Variants in CCDC102B observed in about 807,000 individuals in gnomAD.
CCDC102B encodes coiled-coil domain containing 102B.
In CCDC102B, 75 loss-of-function variants were observed where a neutral mutation model predicts 57.4. The observed-to-expected ratio is 1.31, with a 90% CI of 1.08 to 1.58. CCDC102B has a LOEUF of 1.58. Among genes scored for constraint, CCDC102B ranks in the 40% most tolerant of loss-of-function variants. The pLI is 0.00. For missense variants in CCDC102B, 636 were observed against 582.6 expected, an observed-to-expected ratio of 1.09 and a Z score of -0.94; for synonymous variants, 206 against 201.9, an observed-to-expected ratio of 1.02 and a Z score of -0.17.
At chr18:68,888,829 C>T (rs185638672) in intron 5 of CCDC102B, among the ~76,000 whole-genome samples, 1 of 152,258 alleles carries the variant, frequency 6.6e-6, no homozygotes, top group East Asian at 1.9e-4. Context: ...ATAATACTCA[C>T]TTTGAAGTTA....
At chr18:68,923,423 A>G (rs1037381094) in intron 6 of CCDC102B, among the ~76,000 whole-genome samples, 4 of 151,972 alleles carry the variant, frequency 2.6e-5, no homozygotes, top group East Asian at 1.9e-4. Context: ...TAATTATTTT[A>G]CTGAAATCAA....
chr18:68,882,193 A>G, intron 5 of CCDC102B, among the ~76,000 whole-genome samples: 1 of 152,232 alleles, frequency 6.6e-6, no homozygotes, highest in East Asian at 1.9e-4. Flanking sequence ...ATAAATAAAC[A>G]AGACAATTAT....
chr18:68,803,978 C>T (rs2035944715), intron 1 of CCDC102B, among the ~76,000 whole-genome samples: 1 of 152,126 alleles, frequency 6.6e-6, no homozygotes, highest in East Asian at 1.9e-4. Flanking sequence ...TTCAAAGCAT[C>T]CACTCGGCTG....
intron 2 of CCDC102B, among the ~76,000 whole-genome samples, chr18:68,765,177 T>C (rs2034387033): frequency 6.7e-6 from 1 of 150,242 alleles, no homozygotes; most frequent in South Asian, 2.1e-4. Context: ...TAAGCTATAA[T>C]AGTGCCAACA....
chr18:68,934,115 C>G (rs1388930166), intron 6 of CCDC102B, among the ~76,000 whole-genome samples: 8 of 151,886 alleles, frequency 5.3e-5, no homozygotes, highest in Non-Finnish European at 7.4e-5. Context: ...TGAGGCAACT[C>G]TCTAGGCTCT....
intron 6 of CCDC102B, among the ~76,000 whole-genome samples, chr18:68,940,961 A>G (rs1021097427): frequency 6.6e-6 from 1 of 151,940 alleles, no homozygotes; most frequent in Admixed American, 6.6e-5. Context: ...TGATTGATCT[A>G]AGTCAGATGA....
At chr18:69,023,606 A>G (rs1464663560) in intron 7 of CCDC102B, among the ~76,000 whole-genome samples, 2 of 151,964 alleles carry the variant, frequency 1.3e-5, no homozygotes, top group Non-Finnish European at 2.9e-5. Context: ...CCTTACCACA[A>G]TCTTGAAATT....
intron 6 of CCDC102B, among the ~76,000 whole-genome samples, chr18:68,991,975 A>G (rs373318934): frequency 4.5e-4 from 68 of 152,332 alleles, no homozygotes; most frequent in African/African-American, 1.5e-3. Flanking sequence ...GATGTAAAAA[A>G]TATGATCTGG....
At chr18:68,861,425 T>G (rs2038751618) in intron 4 of CCDC102B, among the ~76,000 whole-genome samples, 1 of 152,202 alleles carries the variant, frequency 6.6e-6, no homozygotes, top group Non-Finnish European at 1.5e-5. Flanking sequence ...TTTTTATAAT[T>G]ATTCTTAACC....
At chr18:68,788,895 T>A (rs1265803278) in intron 2 of CCDC102B, among the ~76,000 whole-genome samples, 1 of 152,314 alleles carries the variant, frequency 6.6e-6, no homozygotes, top group South Asian at 2.1e-4. Context: ...GTTATTTTGC[T>A]CGTTAGTTGA....
Position 68,735,484 on chromosome 18 carries a change from TA to T in CCDC102B, c.-67+18891del, listed in dbSNP as rs201412776. Among the ~76,000 whole-genome samples the T allele has an allele frequency of 8.5e-3, 1,300 of 152,366 alleles. 23 individuals are homozygous for T. Among genetic ancestry groups the T allele is most frequent in the East Asian group, 0.047 (246 of 5,192 alleles). ...CATCCATTTTTGTTGCTACATCTGA[TA>T]TTCTGATCCTTGCTTCTTTGCAGGT... is the stretch of plus-strand genomic sequence containing the variant. On this transcript the variant is annotated intron_variant, in intron 2 of 3. Coordinates refer to the CCDC102B transcript ENST00000578970.
At chr18:69,017,055 T>G (rs886295107) in intron 7 of CCDC102B, among the ~76,000 whole-genome samples, 1 of 149,624 alleles carries the variant, frequency 6.7e-6, no homozygotes, top group African/African-American at 2.4e-5. Flanking sequence ...CTCTCATCTT[T>G]CTGTGTTATT....
At chr18:68,924,062 T>C (rs1011520550) in intron 6 of CCDC102B, among the ~76,000 whole-genome samples, 1 of 152,068 alleles carries the variant, frequency 6.6e-6, no homozygotes, top group African/African-American at 2.4e-5. Flanking sequence ...CCTATGTTAC[T>C]ACAATATGTC....
intron 6 of CCDC102B, among the ~76,000 whole-genome samples, chr18:68,905,520 A>G (rs573593194): frequency 6.6e-6 from 1 of 151,584 alleles, no homozygotes; most frequent in African/African-American, 2.4e-5. Context: ...ATTTCATAAC[A>G]TAAAATTAAC....
chr18:68,880,581 G>A (rs1654502535), intron 5 of CCDC102B, among the ~76,000 whole-genome samples: 1 of 152,086 alleles, frequency 6.6e-6, no homozygotes, highest in Admixed American at 6.6e-5. Flanking sequence ...AAGTCATGAA[G>A]ATAACCCCAT....
chr18:68,863,025 C>T (rs2038827631), intron 4 of CCDC102B, among the ~76,000 whole-genome samples: 1 of 151,436 alleles, frequency 6.6e-6, no homozygotes, highest in Non-Finnish European at 1.5e-5. Context: ...CATTTTAAAC[C>T]TAAAAAATTA....
chr18:68,822,978 C>T (rs374910924), intron 1 of CCDC102B, among the ~76,000 whole-genome samples: 2 of 152,090 alleles, frequency 1.3e-5, no homozygotes, highest in African/African-American at 4.8e-5. Flanking sequence ...TCTACAAACC[C>T]CTCCCGCCCC....
intron 6 of CCDC102B, among the ~76,000 whole-genome samples, chr18:68,976,429 A>T (rs1296768837): frequency 2.0e-5 from 3 of 152,012 alleles, no homozygotes; most frequent in Non-Finnish European, 2.9e-5. Flanking sequence ...ATTCTGCAAA[A>T]TATTTTTAAT....
intron 6 of CCDC102B, among the ~76,000 whole-genome samples, chr18:68,990,742 G>A (rs930797439): frequency 6.6e-6 from 1 of 152,092 alleles, no homozygotes; most frequent in Admixed American, 6.5e-5. Flanking sequence ...GATTTTTCCT[G>A]TATTTCTTAT....
Sources: gnomAD v4.1 joint callset for allele counts (sites outside exome capture counted in the v4.1 genomes callset) on GRCh38, gnomAD v4.1.1 for gene constraint, MANE v1.5 for transcripts, NCBI Gene and HGNC (gene_info 2026-07-23, HGNC 2026-07-21) for gene names.